The following PTPRA variants were observed in gnomAD, a reference collection of about 807,000 sequenced individuals.
The protein encoded by PTPRA is receptor-type tyrosine-protein phosphatase alpha.
Under a neutral mutation model 104.8 loss-of-function variants are expected in PTPRA, and 25 were observed. That is an observed-to-expected ratio of 0.24 (90% CI 0.17 to 0.33). The LOEUF is 0.33. Among genes scored for constraint, PTPRA ranks in the 10% least tolerant of loss-of-function variants. The pLI is 1.00. For synonymous variants in PTPRA, 323 were observed against 368.9 expected, an observed-to-expected ratio of 0.88 and a Z score of 1.43; for missense variants, 765 against 1,015.3, an observed-to-expected ratio of 0.75 and a Z score of 3.35.
intron 1 of PTPRA, among the ~76,000 whole-genome samples, chr20:2,919,231 G>A (rs1332244552): frequency 6.6e-6 from 1 of 152,082 alleles, no homozygotes; most frequent in African/African-American, 2.4e-5. Flanking sequence ...TGATCATTAC[G>A]ACTTGTGCTT....
intron 3 of PTPRA, among the ~76,000 whole-genome samples, chr20:2,952,051 C>A (rs2061371116): frequency 6.6e-6 from 1 of 151,642 alleles, no homozygotes; most frequent in South Asian, 2.1e-4. Flanking sequence ...ACCCAGGAGG[C>A]AGAGGTTGCG....
rs769242370 is a variant in PTPRA, at chr20:3,026,681, A to G, written c.1615-6A>G. The G allele has an allele frequency of 6.2e-7, 1 of 1,602,068 alleles. No individual in the cohort carries two copies. Among genetic ancestry groups the G allele is most frequent in the Admixed American group, 1.7e-5 (1 of 59,996 alleles). ...AGTAATGTTTCCCCTCCCCTTCCCA[A>G]TTCAGAAGTTAACATCAATCAAAAT... On this transcript the variant is annotated splice_polypyrimidine_tract_variant and splice_region_variant and intron_variant, in intron 17 of 23. Coordinates refer to ENST00000399903, the MANE Select transcript of PTPRA (RefSeq NM_001385305.1).
chr20:3,012,931 T>C (rs2064244940), intron 11 of PTPRA, among the ~76,000 whole-genome samples: 1 of 152,218 alleles, frequency 6.6e-6, no homozygotes, highest in African/African-American at 2.4e-5. Flanking sequence ...AACAACTTTA[T>C]TGAGATGTAA....
chr20:3,008,728 TAAAAAAAAAAAA>T (rs763235190), intron 11 of PTPRA, among the ~76,000 whole-genome samples: 2 of 63,670 alleles, frequency 3.1e-5, no homozygotes, highest in African/African-American at 9.7e-5. Context: ...TCATCTCTAC[TAAAAAAAAAAAA>T]AAAACAAAAA....
intron 3 of PTPRA, among the ~76,000 whole-genome samples, chr20:2,960,451 A>T (rs927085981): frequency 6.6e-6 from 1 of 151,938 alleles, no homozygotes; most frequent in East Asian, 1.9e-4. Context: ...GGGTTTCACC[A>T]TGTTAGCCAG....
intron 1 of PTPRA, among the ~76,000 whole-genome samples, chr20:2,882,458 T>G (rs957629166): frequency 1.3e-5 from 2 of 151,888 alleles, no homozygotes; most frequent in African/African-American, 4.8e-5. Context: ...CCTATTTTTT[T>G]TATTTTTTAT....
intron 11 of PTPRA, among the ~76,000 whole-genome samples, chr20:3,008,265 A>G (rs961251956): frequency 5.3e-5 from 8 of 152,250 alleles, no homozygotes; most frequent in Admixed American, 3.9e-4. Flanking sequence ...GTACATGCAT[A>G]CAGTGGAATG....
the PTPRA span, chr20:2,864,600 C>CA: frequency 6.2e-7 from 1 of 1,614,024 alleles, no homozygotes. This position sits in a 1 kb window ranked among gnomAD's most constrained non-coding sequence, Gnocchi z 5.2. Context: ...ATCAGGATGA[C>CA]AATCACCAGG....
At chr20:2,878,944 A>T (rs1372852943) in intron 1 of PTPRA, among the ~76,000 whole-genome samples, 11 of 152,220 alleles carry the variant, frequency 7.2e-5, no homozygotes. Flanking sequence ...AGATTGAAAT[A>T]TTGTGGAAGT....
intron 5 of PTPRA, among the ~76,000 whole-genome samples, chr20:2,965,688 A>G (rs1219317886): frequency 1.3e-5 from 2 of 152,122 alleles, no homozygotes; most frequent in Non-Finnish European, 2.9e-5. Context: ...TGGAAAGGAG[A>G]ATGGACATTG....
chr20:2,904,838 G>C (rs2059366031), intron 1 of PTPRA, among the ~76,000 whole-genome samples: 1 of 152,076 alleles, frequency 6.6e-6, no homozygotes, highest in Non-Finnish European at 1.5e-5. Context: ...AAATCAGGGA[G>C]AAAATGATCG....
chr20:2,983,568 C>CAAAAAA (rs58694839), intron 6 of PTPRA, among the ~76,000 whole-genome samples: 1 of 93,396 alleles, frequency 1.1e-5, no homozygotes, highest in Non-Finnish European at 2.2e-5. Context: ...AAAAAAAATG[C>CAAAAAA]AAAAAAAAAA....
chr20:2,988,141 A>G, intron 8 of PTPRA, 36 bp downstream of exon 8: 1 of 1,540,196 alleles, frequency 6.5e-7, no homozygotes, highest in Non-Finnish European at 9.0e-7. Context: ...GAACCTTCAC[A>G]AGGAAGGAAA....
At chr20:2,911,212 C>T (rs1038805064) in intron 1 of PTPRA, among the ~76,000 whole-genome samples, 1 of 151,812 alleles carries the variant, frequency 6.6e-6, no homozygotes, top group Admixed American at 6.6e-5. Context: ...CCAGATTTTC[C>T]TAGTTTTGTT....
In PTPRA at chr20:2,983,719, G is replaced by A. The variant is rs557281094; in HGVS notation, c.443-3046G>A. Among the ~76,000 whole-genome samples the A allele has an allele frequency of 3.3e-5, 5 of 152,216 alleles. No individual in the cohort carries two copies. The South Asian group carries it at 1.0e-3, about 32-fold the overall frequency. ...TCTTACTTGAGCAACAGGGTGGGTT[G>A]GAGTACTAGCTACTGAATGGTGAGG... On this transcript the variant is annotated intron_variant, in intron 6 of 23. Coordinates refer to ENST00000399903, the MANE Select transcript of PTPRA (RefSeq NM_001385305.1).
intron 13 of PTPRA, 47 bp from the exon 14 acceptor site, chr20:3,021,262 T>C (rs2064852947): frequency 6.2e-7 from 1 of 1,611,318 alleles, no homozygotes; most frequent in South Asian, 1.1e-5. Context: ...GCATCTGCCA[T>C]GGGCAGGAGG....
At chr20:2,887,186 A>T in intron 1 of PTPRA, among the ~76,000 whole-genome samples, 1 of 152,196 alleles carries the variant, frequency 6.6e-6, no homozygotes, top group East Asian at 1.9e-4. Flanking sequence ...TATTTTTAAG[A>T]TGGGTTTTAC....
chr20:2,927,924 T>C (rs55822505), intron 2 of PTPRA, among the ~76,000 whole-genome samples: 2,353 of 151,952 alleles, frequency 0.015, 123 homozygotes, highest in Admixed American at 0.09. Context: ...GCAGGAGAAT[T>C]GCTTGAACCC....
At chr20:3,025,678 T>C (rs2065101584) in intron 17 of PTPRA, among the ~76,000 whole-genome samples, 1 of 150,926 alleles carries the variant, frequency 6.6e-6, no homozygotes, top group Non-Finnish European at 1.5e-5. Context: ...AAGACCAGCC[T>C]GACCAACACG....
Sources: allele counts gnomAD v4.1 joint callset (sites outside exome capture counted in the v4.1 genomes callset), GRCh38; gene constraint gnomAD v4.1.1; non-coding constraint Gnocchi (gnomAD v3.1); transcripts MANE v1.5; gene names NCBI Gene and HGNC (gene_info 2026-07-23, HGNC 2026-07-21).